Variants in SCIN observed in about 807,000 individuals in gnomAD.
SCIN encodes adseverin.
A neutral mutation model predicts 91.8 loss-of-function variants in SCIN; 91 were observed. The ratio of observed to expected loss-of-function variants is 0.99; its 90% CI spans 0.84 to 1.18. SCIN has a LOEUF of 1.18. SCIN is among the 50% of genes most tolerant of loss of function. The probability of loss-of-function intolerance (pLI) is 0.00; values close to 1 mark genes in which losing one functional copy is unlikely to be tolerated. For missense variants in SCIN, 1,087 were observed against 863.9 expected (o/e 1.26, Z -3.24); for synonymous variants, 367 against 312.6 (o/e 1.17, Z -1.84).
chr7:12,591,767 G>A (rs1424384143), intron 3 of SCIN, among the ~76,000 whole-genome samples: 1 of 152,096 alleles, frequency 6.6e-6, no homozygotes, highest in African/African-American at 2.4e-5. Context: ...TTTGGAGGAG[G>A]GTGGGGGTAG....
Position 12,657,572 on chromosome 7 carries a change from ATTTTTTTTTTT to A in SCIN, c.*4873_*4883del, listed in dbSNP as rs71030521. ...TATATATATATATATATATATATAT[ATTTTTTTTTTT>A]TTTTTTTTTTTTTTTGCATTGGCAA... On this transcript the variant is annotated 3_prime_UTR_variant, in exon 16 of 16. Coordinates refer to ENST00000297029, the MANE Select transcript of SCIN (RefSeq NM_001112706.3). The A allele has an allele frequency of 8.7e-3, 193 of 22,096 alleles. 4 individuals are homozygous for A. The highest frequency in any genetic ancestry group is 0.015 in the African/African-American group (187 of 12,396). 1.4% of individuals were successfully genotyped at this position (22,096 alleles called of 1,614,324 possible).
Position 12,628,028 on chromosome 7 carries a change from C to CGT in SCIN, c.1198-1072_1198-1071insTG, listed in dbSNP as rs1215262855. 5.5e-3 allele frequency among the ~76,000 whole-genome samples: 391 copies of CGT among 71,104 alleles called. 3 individuals are homozygous for CGT. The highest frequency in any genetic ancestry group is 0.022 in the African/African-American group (365 of 16,608). The allele number at this position is 71,104 out of a possible 152,430, so 46.6% of individuals were successfully genotyped here. A position where few individuals can be genotyped will look rare whatever the true frequency, so the allele number is the denominator to read the frequency against. Reference sequence around the variant, plus strand: ...CCAACTGAGAACTTAGGCAAGTGTGCGCGCGTGTGTGTGTGTGTGTGTGTG... The same window carrying CGT: ...CCAACTGAGAACTTAGGCAAGTGTGCGTGCGCGTGTGTGTGTGTGTGTGTGTG... On this transcript the variant is annotated intron_variant, in intron 8 of 15. Coordinates refer to ENST00000297029, the MANE Select transcript of SCIN (RefSeq NM_001112706.3).
At chr7:12,608,686 C>G (rs1206765537) in intron 4 of SCIN, among the ~76,000 whole-genome samples, 1 of 152,086 alleles carries the variant, frequency 6.6e-6, no homozygotes, top group Non-Finnish European at 1.5e-5. Flanking sequence ...ACTCTGTTGG[C>G]CAGGCTGGTC....
chr7:12,618,630 TG>T (rs1355953588), intron 4 of SCIN, among the ~76,000 whole-genome samples: 1 of 152,156 alleles, frequency 6.6e-6, no homozygotes, highest in Non-Finnish European at 1.5e-5. Context: ...TTTATATCTC[TG>T]TGGATCTTCC....
chr7:12,574,746 T>C (rs1291432002), intron 1 of SCIN, among the ~76,000 whole-genome samples: 1 of 152,150 alleles, frequency 6.6e-6, no homozygotes, highest in Non-Finnish European at 1.5e-5. Context: ...GTTAGCTATG[T>C]AGTAAACCTT....
At chr7:12,643,040 G>C (rs1029912847) in intron 11 of SCIN, among the ~76,000 whole-genome samples, 1 of 151,896 alleles carries the variant, frequency 6.6e-6, no homozygotes, top group East Asian at 1.9e-4. Flanking sequence ...CATTATCTAC[G>C]GGCATTCTCA....
chr7:12,605,010 A>T (rs12537710), intron 4 of SCIN, among the ~76,000 whole-genome samples: 35,058 of 151,220 alleles, frequency 0.23, 4,644 homozygotes, highest in East Asian at 0.37. Context: ...TAGTTCTTTC[A>T]TCTATTCATC....
At position 12,651,900 on chromosome 7, in the gene SCIN, TG is replaced by T; in HGVS notation, c.2020+1del. 1 of 1,601,594 alleles carries T rather than the reference TG, an allele frequency of 6.2e-7. No homozygotes were observed. Among genetic ancestry groups the T allele is most frequent in the Non-Finnish European group, 8.5e-7 (1 of 1,171,474 alleles). On this transcript the variant is annotated frameshift_variant and splice_region_variant, in exon 15 of 16. Coordinates refer to ENST00000297029, the MANE Select transcript of SCIN (RefSeq NM_001112706.3). LOFTEE classifies it high-confidence loss of function. The surrounding 1 kb of genome is among the most constrained non-coding windows in gnomAD (Gnocchi z 5.9). Reference protein sequence around the residue: ...EVEKKESLKSAKMYLETDPSG... With the variant: ...EVEKKESLKSXKMYLETDPSG... ...TTGAGAAAAAAGAATCTCTGAAGTC[TG>T]GTAAGCTCAATCGATGGACCATTAT...
At chr7:12,592,303 GT>G (rs1378550023) in intron 3 of SCIN, among the ~76,000 whole-genome samples, 2 of 152,122 alleles carry the variant, frequency 1.3e-5, no homozygotes, top group South Asian at 2.1e-4. Context: ...CTCGGAGGTT[GT>G]GAACGAGTCG....
intron 4 of SCIN, among the ~76,000 whole-genome samples, chr7:12,619,776 C>G (rs146516339): frequency 5.9e-5 from 9 of 152,098 alleles, no homozygotes; most frequent in South Asian, 4.2e-4. Context: ...GGGTTTCAGA[C>G]AGAAGTTTTG....
intron 13 of SCIN, among the ~76,000 whole-genome samples, chr7:12,645,610 A>C (rs1021035622): frequency 6.6e-6 from 1 of 152,092 alleles, no homozygotes; most frequent in Non-Finnish European, 1.5e-5. Flanking sequence ...CCTAGTATCC[A>C]TTAGTTATTT....
At chr7:12,580,990 C>A in intron 2 of SCIN, 70 bp from the exon 3 acceptor site, 1 of 1,473,364 alleles carries the variant, frequency 6.8e-7, no homozygotes. Flanking sequence ...TTGTGCTTTG[C>A]TTTGTCTAGG....
At chr7:12,578,454 T>C (rs1000185249) in intron 2 of SCIN, among the ~76,000 whole-genome samples, 31 of 152,314 alleles carry the variant, frequency 2.0e-4, no homozygotes, top group African/African-American at 7.5e-4. Flanking sequence ...AAATTTAATT[T>C]GATAGGTTAA....
At chr7:12,616,413 T>A (rs984756480) in intron 4 of SCIN, among the ~76,000 whole-genome samples, 3 of 152,156 alleles carry the variant, frequency 2.0e-5, no homozygotes, top group Admixed American at 1.3e-4. Context: ...TTCTCTTGCC[T>A]TTCTTCCTTA....
intron 13 of SCIN, among the ~76,000 whole-genome samples, chr7:12,645,210 T>G (rs1783938523): frequency 1.3e-5 from 2 of 149,994 alleles, no homozygotes; most frequent in Non-Finnish European, 3.0e-5. Context: ...TCCCAGCTAC[T>G]TGGGAGGCTG....
rs148187948 is a variant in SCIN, at chr7:12,651,882, A to G, written c.2001A>G (p.Lys667=). 249 of 1,603,938 alleles carry G rather than the reference A, an allele frequency of 1.6e-4. No homozygotes were observed. In the African/African-American group the frequency reaches 2.9e-3, roughly 19 times the overall value. The change falls in exon 15 of 16, where the codon AAA becomes AAG. Residue 667 remains lysine, a synonymous_variant. Transcript: ENST00000297029. This position sits in a 1 kb window ranked among gnomAD's most constrained non-coding sequence, Gnocchi z 5.9. ...GCAAAGATGCTAATGAAGTTGAGAAAAAAGAATCTCTGAAGTCTGGTAAGC... is the reference window on the plus strand; with the variant it reads ...GCAAAGATGCTAATGAAGTTGAGAAGAAAGAATCTCTGAAGTCTGGTAAGC... ...WIGKDANEVE[K]KESLKSAKMY...
rs1027301919 is a variant in SCIN, at chr7:12,629,466, C to T, written c.1319+244C>T. On this transcript the variant is annotated intron_variant, in intron 9 of 15. Coordinates refer to ENST00000297029, the MANE Select transcript of SCIN (RefSeq NM_001112706.3). ...AGGCAAAAAGTTTTGATATCCTAAA[C>T]CAGTGATGTTCTCCTAGTGGATATG... is the stretch of plus-strand genomic sequence containing the variant. Among the ~76,000 whole-genome samples, 10 of 152,064 alleles carry T rather than the reference C, an allele frequency of 6.6e-5. No individual in the cohort carries two copies. The South Asian group carries it at 1.2e-3, about 19-fold the overall frequency.
At position 12,570,913 on chromosome 7, in the gene SCIN, G is replaced by C; in HGVS notation, c.127G>C (p.Gly43Arg). ...PQSAHGDFYVGDAYLVLHTAK... is the reference protein window; with the variant it reads ...PQSAHGDFYVRDAYLVLHTAK... Reference sequence around the variant, plus strand: ...GAGCGCTCACGGCGACTTCTACGTCGGGGATGCCTACCTGGTGCTGCACAC... The same window carrying C: ...GAGCGCTCACGGCGACTTCTACGTCCGGGATGCCTACCTGGTGCTGCACAC... The change falls in exon 1 of 16, where the codon GGG becomes CGG. Residue 43 changes from glycine to arginine, a missense_variant. By Grantham distance (125) the Gly-to-Arg change is moderately radical. Coordinates refer to ENST00000297029, the MANE Select transcript of SCIN (RefSeq NM_001112706.3). 1 of 1,551,552 alleles carries C rather than the reference G, an allele frequency of 6.4e-7. No homozygotes were observed. Among genetic ancestry groups the C allele is most frequent in the Non-Finnish European group, 8.7e-7 (1 of 1,146,958 alleles).
intron 10 of SCIN, among the ~76,000 whole-genome samples, chr7:12,639,183 G>A (rs1265554262): frequency 6.6e-6 from 1 of 152,082 alleles, no homozygotes; most frequent in Non-Finnish European, 1.5e-5. Context: ...TGACAGTAAG[G>A]GATGGGCCTT....
Sources: gnomAD v4.1 joint callset for allele counts (sites outside exome capture counted in the v4.1 genomes callset) on GRCh38, gnomAD v4.1.1 for gene constraint, Gnocchi (gnomAD v3.1) non-coding constraint, MANE v1.5 for transcripts, NCBI Gene and HGNC (gene_info 2026-07-23, HGNC 2026-07-21) for gene names.